DCC: variants seen among roughly 807,000 people sequenced by gnomAD.
The protein encoded by DCC is netrin receptor DCC.
A neutral mutation model predicts 172.5 loss-of-function variants in DCC; 58 were observed. The ratio of observed to expected loss-of-function variants is 0.34; its 90% confidence interval spans 0.27 to 0.42. The LOEUF is 0.42. Among genes scored for constraint, DCC ranks in the 10% least tolerant of loss-of-function variants. The probability of loss-of-function intolerance (pLI) is 1.00; values close to 1 mark genes in which losing one functional copy is unlikely to be tolerated. For synonymous variants in DCC, 709 were observed against 644.5 expected, an observed-to-expected ratio of 1.10 and a Z score of -1.52; for missense variants, 1,740 against 1,791.0, an observed-to-expected ratio of 0.97 and a Z score of 0.51.
chr18:52,775,446 G>A (rs1412032514), intron 2 of DCC, among the ~76,000 whole-genome samples: 1 of 152,158 alleles, frequency 6.6e-6, no homozygotes, highest in Admixed American at 6.5e-5. Flanking sequence ...TTCTTGCCTT[G>A]GTGTACTGGA....
intron 1 of DCC, among the ~76,000 whole-genome samples, chr18:52,582,713 G>C (rs902020819): frequency 6.6e-6 from 1 of 152,104 alleles, no homozygotes; most frequent in African/African-American, 2.4e-5. Context: ...ATCAGAAGGG[G>C]GCAGCCTTTC....
chr18:53,041,274 A>T (rs939610640), intron 5 of DCC, among the ~76,000 whole-genome samples: 2 of 151,876 alleles, frequency 1.3e-5, no homozygotes, highest in East Asian at 3.9e-4. Context: ...ATAGGGGATC[A>T]TTTCCCCATT....
At chr18:52,803,099 T>A (rs2038024525) in intron 2 of DCC, among the ~76,000 whole-genome samples, 1 of 152,176 alleles carries the variant, frequency 6.6e-6, no homozygotes, top group South Asian at 2.1e-4. Flanking sequence ...ATCAAACAAT[T>A]CGGCCTTTTC....
At chr18:53,168,795 G>T (rs1309550029) in intron 8 of DCC, among the ~76,000 whole-genome samples, 1 of 152,050 alleles carries the variant, frequency 6.6e-6, no homozygotes, top group African/African-American at 2.4e-5. Flanking sequence ...GGGTCCTGGG[G>T]CAGGACGGCT....
chr18:52,953,206 G>A (rs1398330588), intron 5 of DCC, among the ~76,000 whole-genome samples: 9 of 152,062 alleles, frequency 5.9e-5, no homozygotes, highest in Non-Finnish European at 2.9e-5. Context: ...AAACAGGTGA[G>A]TTACAGAAAT....
chr18:52,396,281 A>AACCCCCCCCCC (rs1568149503), intron 1 of DCC, among the ~76,000 whole-genome samples: 12 of 114,268 alleles, frequency 1.1e-4, no homozygotes, highest in Non-Finnish European at 1.8e-4. Flanking sequence ...CCTGCACCAC[A>AACCCCCCCCCC]CCCCCCCCCC....
intron 5 of DCC, among the ~76,000 whole-genome samples, chr18:53,049,912 T>C (rs981606981): frequency 5.3e-5 from 8 of 151,992 alleles, no homozygotes; most frequent in South Asian, 2.1e-4. Flanking sequence ...CATCTGCAAA[T>C]TGAGGAGCAA....
chr18:53,289,503 A>G (rs1209859254), intron 12 of DCC, among the ~76,000 whole-genome samples: 9 of 152,110 alleles, frequency 5.9e-5, no homozygotes, highest in Non-Finnish European at 1.3e-4. Flanking sequence ...ATAATCTTTC[A>G]CTGGAAAGAA....
chr18:53,364,785 T>A (rs1372631996), intron 15 of DCC, among the ~76,000 whole-genome samples: 1 of 152,144 alleles, frequency 6.6e-6, no homozygotes, highest in South Asian at 2.1e-4. Flanking sequence ...TTTATGAACA[T>A]TAGACATCAT....
At chr18:52,800,130 A>T (rs2145225017) in intron 2 of DCC, among the ~76,000 whole-genome samples, 1 of 152,320 alleles carries the variant, frequency 6.6e-6, no homozygotes, top group Non-Finnish European at 1.5e-5. Flanking sequence ...TGAATTAATG[A>T]AATTAGTTAC....
intron 1 of DCC, among the ~76,000 whole-genome samples, chr18:52,510,573 CTTAT>C (rs2031401178): frequency 6.6e-6 from 1 of 152,182 alleles, no homozygotes; most frequent in Non-Finnish European, 1.5e-5. Context: ...CCATGGTGCC[CTTAT>C]TTCCACTCAT....
At chr18:52,755,084 G>A (rs1443589769) in intron 2 of DCC, among the ~76,000 whole-genome samples, 1 of 152,142 alleles carries the variant, frequency 6.6e-6, no homozygotes, top group Non-Finnish European at 1.5e-5. Flanking sequence ...CTTCAGATTT[G>A]GTAAAAGCAG....
At position 53,415,755 on chromosome 18, in the gene DCC, G is replaced by T. The variant is rs148008739; in HGVS notation, c.3131-369G>T. 3.4e-4 allele frequency among the ~76,000 whole-genome samples: 51 copies of T among 151,974 alleles called. No homozygotes were observed. The East Asian group carries it at 9.5e-3, about 28-fold the overall frequency. On this transcript the variant is annotated intron_variant, in intron 20 of 28. Coordinates refer to ENST00000442544, the MANE Select transcript of DCC (RefSeq NM_005215.4). ...AAAAATAGTCACATACAAGAAAATA[G>T]CTTCCTGAATTTTCTTAAATATATA...
At chr18:53,164,439 G>T in intron 8 of DCC, among the ~76,000 whole-genome samples, 1 of 152,078 alleles carries the variant, frequency 6.6e-6, no homozygotes, top group East Asian at 1.9e-4. Context: ...TATATAAAAA[G>T]AACATTATAC....
chr18:53,385,713 CAG>C (rs1908114842), intron 15 of DCC, among the ~76,000 whole-genome samples: 1 of 152,196 alleles, frequency 6.6e-6, no homozygotes, highest in Non-Finnish European at 1.5e-5. Flanking sequence ...AGACAACAAA[CAG>C]ATGATGAGGC....
Position 53,140,710 on chromosome 18 carries a change from A to C in DCC, c.1262-16646A>C, listed in dbSNP as rs117320247. 5.6e-3 allele frequency among the ~76,000 whole-genome samples: 852 copies of C among 152,264 alleles called. 6 individuals are homozygous for C. Among genetic ancestry groups the C allele is most frequent in the Admixed American group, 0.023 (350 of 15,278 alleles). The stretch of plus-strand genomic sequence containing the variant: ...AAAATTGATTTTTGTATAAAGACTA[A>C]TATATGCTGAGGGAAAAAGAGAAGG... On this transcript the variant is annotated intron_variant, in intron 7 of 28. Transcript: ENST00000442544.
chr18:52,629,973 A>T (rs957797510), intron 1 of DCC, among the ~76,000 whole-genome samples: 1 of 148,078 alleles, frequency 6.8e-6, no homozygotes, highest in African/African-American at 2.5e-5. Flanking sequence ...AAAAAAAAAA[A>T]AAATTAGCCA....
intron 9 of DCC, among the ~76,000 whole-genome samples, chr18:53,201,162 G>A (rs1053726072): frequency 5.3e-5 from 8 of 152,180 alleles, no homozygotes; most frequent in African/African-American, 1.9e-4. Flanking sequence ...TCCTCCTGGA[G>A]TGGTTCTGTT....
chr18:52,478,599 G>A (rs1011030590), intron 1 of DCC, among the ~76,000 whole-genome samples: 3 of 152,208 alleles, frequency 2.0e-5, no homozygotes, highest in South Asian at 2.1e-4. Context: ...TGTACAGGAA[G>A]CATGCTGTTG....
Sources: allele counts gnomAD v4.1 joint callset (sites outside exome capture counted in the v4.1 genomes callset), GRCh38; gene constraint gnomAD v4.1.1; transcripts MANE v1.5; gene names NCBI Gene and HGNC (gene_info 2026-07-23, HGNC 2026-07-21).